Variants in CCDC192 observed in about 807,000 individuals in gnomAD.
The protein encoded by CCDC192 is coiled-coil domain-containing protein 192.
At chr5:127,800,127 A>G (rs1757399062) in intron 5 of CCDC192, among the ~76,000 whole-genome samples, 1 of 152,000 alleles carries the variant, frequency 6.6e-6, no homozygotes, top group African/African-American at 2.4e-5. Context: ...TCTATGTGCC[A>G]TTTGAGGTAT....
intron 6 of CCDC192, among the ~76,000 whole-genome samples, chr5:127,902,956 C>T (rs1753083208): frequency 1.3e-5 from 2 of 152,018 alleles, no homozygotes; most frequent in African/African-American, 2.4e-5. Context: ...AAATTACACT[C>T]GCTTAAACAA....
At chr5:127,827,416 A>G (rs757113104) in intron 5 of CCDC192, among the ~76,000 whole-genome samples, 4 of 152,200 alleles carry the variant, frequency 2.6e-5, no homozygotes, top group Non-Finnish European at 5.9e-5. Flanking sequence ...TCGGGAATAA[A>G]GCCTGAAAGA....
chr5:127,861,965 G>T (rs1751390364), intron 5 of CCDC192, among the ~76,000 whole-genome samples: 1 of 152,174 alleles, frequency 6.6e-6, no homozygotes, highest in South Asian at 2.1e-4. Context: ...ATTTTTAGTT[G>T]TTTTGATCTG....
intron 3 of CCDC192, among the ~76,000 whole-genome samples, chr5:127,757,720 C>T (rs1232376757): frequency 2.0e-5 from 3 of 150,772 alleles, no homozygotes; most frequent in African/African-American, 7.3e-5. Context: ...CAGGCCATGC[C>T]ACTAAGGGAT....
chr5:127,814,691 C>T (rs541020496), intron 5 of CCDC192, among the ~76,000 whole-genome samples: 1 of 152,332 alleles, frequency 6.6e-6, no homozygotes, highest in East Asian at 1.9e-4. Flanking sequence ...CTTTGCCTTT[C>T]AGCCCTGGAT....
At chr5:127,703,615 A>T (rs1221927533) in intron 1 of CCDC192, 108 bp downstream of exon 1, 1 of 390,436 alleles carries the variant, frequency 2.6e-6, no homozygotes, top group Non-Finnish European at 4.5e-6. Flanking sequence ...CTGGGGAATA[A>T]CAGCAGACAG....
At chr5:127,761,015 G>A (rs1256116000) in intron 3 of CCDC192, among the ~76,000 whole-genome samples, 2 of 152,156 alleles carry the variant, frequency 1.3e-5, no homozygotes, top group Non-Finnish European at 2.9e-5. Flanking sequence ...AAACGCAAAA[G>A]AAACACTCCG....
At chr5:127,851,929 A>G (rs969473696) in intron 5 of CCDC192, among the ~76,000 whole-genome samples, 2 of 152,246 alleles carry the variant, frequency 1.3e-5, no homozygotes, top group Non-Finnish European at 1.5e-5. Context: ...GTGTGTTCCA[A>G]GAATGGGTTG....
intron 5 of CCDC192, among the ~76,000 whole-genome samples, chr5:127,814,908 G>A (rs554810932): frequency 2.8e-4 from 42 of 152,056 alleles, no homozygotes; most frequent in African/African-American, 6.5e-4. Flanking sequence ...TCAGTATGGC[G>A]AATTTTTAAA....
intron 3 of CCDC192, chr5:127,786,316 A>T (rs1756532925): frequency 1.6e-6 from 1 of 632,114 alleles, no homozygotes; most frequent in South Asian, 1.8e-5. Context: ...ACTCTCTGTG[A>T]CATAAAATCT....
intron 6 of CCDC192, among the ~76,000 whole-genome samples, chr5:127,913,454 C>G (rs554111107): frequency 6.6e-6 from 1 of 152,290 alleles, no homozygotes; most frequent in South Asian, 2.1e-4. Flanking sequence ...AAGAAAATAT[C>G]CTGAGTATCC....
chr5:127,722,407 GT>G (rs1752078645), intron 2 of CCDC192, among the ~76,000 whole-genome samples: 1 of 151,838 alleles, frequency 6.6e-6, no homozygotes, highest in African/African-American at 2.4e-5. Context: ...CCATTTGTGG[GT>G]TGTTTCTTCA....
intron 6 of CCDC192, among the ~76,000 whole-genome samples, chr5:127,890,159 G>C (rs758962528): frequency 6.6e-6 from 1 of 152,032 alleles, no homozygotes; most frequent in South Asian, 2.1e-4. Flanking sequence ...GATGGCTAGA[G>C]CCCAAGAGTT....
chr5:127,776,052 G>C (rs1256643817), intron 3 of CCDC192, among the ~76,000 whole-genome samples: 1 of 152,200 alleles, frequency 6.6e-6, no homozygotes, highest in Non-Finnish European at 1.5e-5. Context: ...TTAGTGACTT[G>C]CTGCTGTGAA....
chr5:127,740,246 C>T (rs1471646189), intron 2 of CCDC192: 3 of 152,172 alleles, frequency 2.0e-5, no homozygotes, highest in Non-Finnish European at 2.9e-5. Context: ...ACTATGCTCT[C>T]TTCTCCAATA....
At chr5:127,723,146 T>C (rs1752121738) in intron 2 of CCDC192, among the ~76,000 whole-genome samples, 1 of 152,204 alleles carries the variant, frequency 6.6e-6, no homozygotes, top group Non-Finnish European at 1.5e-5. Flanking sequence ...TAATGTTTTA[T>C]AGTTTTCATT....
chr5:127,798,722 TAC>T (rs1757313756), intron 5 of CCDC192, among the ~76,000 whole-genome samples: 1 of 150,472 alleles, frequency 6.6e-6, no homozygotes, highest in Non-Finnish European at 1.5e-5. Flanking sequence ...TTTTTATACA[TAC>T]ATATATATAT....
intron 2 of CCDC192, among the ~76,000 whole-genome samples, chr5:127,722,403 G>C (rs2126801217): frequency 6.6e-6 from 1 of 151,760 alleles, no homozygotes; most frequent in East Asian, 1.9e-4. Context: ...TCTCCCATTT[G>C]TGGGTTGTTT....
rs1750069081 is a variant in CCDC192 at position 127,837,283 on chromosome 5, G to A, written c.412-38255G>A. On this transcript the variant is annotated intron_variant, in intron 5 of 6. Transcript: ENST00000514853. Reference sequence around the variant, plus strand: ...GACTGGATAACTTATAAAGAAAACAGGTTTAATTGACTCACAGTTCTACAT... The same window carrying A: ...GACTGGATAACTTATAAAGAAAACAAGTTTAATTGACTCACAGTTCTACAT... Among the ~76,000 whole-genome samples, 2 of 81,752 alleles carry A rather than the reference G, an allele frequency of 2.4e-5. 1 individual carries two copies. Among genetic ancestry groups the A allele is most frequent in the South Asian group, 6.6e-4 (2 of 3,012 alleles). The allele number at this position is 81,752 out of a possible 152,430, so 53.6% of individuals were successfully genotyped here.
Sources: gnomAD v4.1 joint callset for allele counts (sites outside exome capture counted in the v4.1 genomes callset) on GRCh38, gnomAD v4.1.1 for gene constraint, MANE v1.5 for transcripts, NCBI Gene and HGNC (gene_info 2026-07-23, HGNC 2026-07-21) for gene names.